The following WWOX variants were observed in gnomAD, a reference collection of about 807,000 sequenced individuals.
WWOX encodes the protein WW domain-containing oxidoreductase.
A neutral mutation model predicts 46.2 loss-of-function variants in WWOX; 69 were observed. The ratio of observed to expected loss-of-function variants is 1.49; its 90% CI spans 1.23 to 1.82. WWOX has a LOEUF of 1.82. Among genes scored for constraint, WWOX ranks in the 40% most tolerant of loss-of-function variants. WWOX has a pLI of 0.00. For synonymous variants in WWOX, 359 were observed against 202.6 expected, an observed-to-expected ratio of 1.77 and a Z score of -6.56; for missense variants, 919 against 542.6, an observed-to-expected ratio of 1.69 and a Z score of -6.89.
Position 78,109,821 on chromosome 16 carries a change from A to G in WWOX, c.216A>G (p.Gln72=), listed in dbSNP as rs754962104. The change falls in exon 3 of 9, where the codon CAA becomes CAG. Residue 72 remains glutamine (Q), a synonymous_variant. Transcript: ENST00000566780. ...GWEQETDENG[Q]VFFVDHINKR... is the part of the protein sequence containing the mutation. Reference sequence around the variant, plus strand: ...AACAAGAAACTGATGAGAACGGACAAGTGTTTTTTGTTGAGTAAGTGTCTG... The same window carrying G: ...AACAAGAAACTGATGAGAACGGACAGGTGTTTTTTGTTGAGTAAGTGTCTG... The G allele has an allele frequency of 6.8e-5, 109 of 1,614,172 alleles. No homozygotes were observed. The East Asian group carries it at 2.3e-3, about 34-fold the overall frequency.
intron 5 of WWOX, among the ~76,000 whole-genome samples, chr16:78,327,404 A>C (rs2080648269): frequency 1.3e-5 from 2 of 152,062 alleles, no homozygotes; most frequent in Non-Finnish European, 2.9e-5. Flanking sequence ...GGGCATCTTC[A>C]CTGGACTCTC....
intron 8 of WWOX, among the ~76,000 whole-genome samples, chr16:78,757,398 C>T (rs1329725818): frequency 6.6e-6 from 1 of 152,148 alleles, no homozygotes; most frequent in Non-Finnish European, 1.5e-5. Context: ...TGCAAAGGTA[C>T]ATAGGACACT....
At chr16:78,631,540 C>CTTTTT (rs35592764) in intron 8 of WWOX, among the ~76,000 whole-genome samples, 2 of 138,944 alleles carry the variant, frequency 1.4e-5, no homozygotes, top group Non-Finnish European at 3.1e-5. Flanking sequence ...TTAAAATATT[C>CTTTTT]TTTTTTTTTT....
intron 8 of WWOX, among the ~76,000 whole-genome samples, chr16:78,684,523 C>G (rs992638462): frequency 2.0e-5 from 3 of 152,166 alleles, no homozygotes; most frequent in African/African-American, 7.2e-5. Context: ...ATTACGGGAC[C>G]TGGATGTGAT....
chr16:78,945,839 A>C (rs1268233760), intron 8 of WWOX, among the ~76,000 whole-genome samples: 2 of 151,954 alleles, frequency 1.3e-5, no homozygotes, highest in Non-Finnish European at 2.9e-5. Context: ...GCATGGAGGG[A>C]ACTTCATCTC....
rs1054975280 is a variant in WWOX at position 79,032,045 on chromosome 16, C to G, written c.1057-179563C>G. Reference sequence around the variant, plus strand: ...CTGGGACATTCTACACAGCTCCTGCCTCCTTCTGTATGTAATATATATATT... The same window carrying G: ...CTGGGACATTCTACACAGCTCCTGCGTCCTTCTGTATGTAATATATATATT... On this transcript the variant is annotated intron_variant, in intron 8 of 8. Coordinates refer to ENST00000566780, the MANE Select transcript of WWOX (RefSeq NM_016373.4). Among the ~76,000 whole-genome samples, 12 of 143,938 alleles carry G rather than the reference C, an allele frequency of 8.3e-5. No individual in the cohort carries two copies. The East Asian group carries it at 1.4e-3, about 17-fold the overall frequency. The allele number at this position is 143,938 out of a possible 152,430, so 94.4% of individuals were successfully genotyped here. A position where few individuals can be genotyped will look rare whatever the true frequency, so the allele number is the denominator to read the frequency against.
At chr16:79,178,216 A>C (rs1477817060) in intron 8 of WWOX, among the ~76,000 whole-genome samples, 1 of 152,246 alleles carries the variant, frequency 6.6e-6, no homozygotes, top group Non-Finnish European at 1.5e-5. Flanking sequence ...TACACAAATG[A>C]ACAAGTGACT....
rs1022448733 is a variant in WWOX at position 78,564,011 on chromosome 16, T to G, written c.1056+131259T>G. ...GCTGTGCTACGAACCCTTTTACTTC[T>G]GGGTGCGAACAAGCCCAGGCTAGCC... On this transcript the variant is annotated intron_variant, in intron 8 of 8. Transcript: ENST00000566780. Among the ~76,000 whole-genome samples, 9 of 152,330 alleles carry G rather than the reference T, an allele frequency of 5.9e-5. 1 individual carries two copies. The highest frequency in any genetic ancestry group is 5.9e-4 in the Admixed American group (9 of 15,304).
intron 8 of WWOX, among the ~76,000 whole-genome samples, chr16:79,209,457 A>T (rs1338130447): frequency 6.6e-6 from 1 of 152,208 alleles, no homozygotes; most frequent in Non-Finnish European, 1.5e-5. Context: ...CAGAACAGTG[A>T]AAGGCCAGTC....
At chr16:78,765,717 T>C (rs1054244057) in intron 8 of WWOX, among the ~76,000 whole-genome samples, 2 of 152,164 alleles carry the variant, frequency 1.3e-5, no homozygotes, top group African/African-American at 2.4e-5. Flanking sequence ...AGGTGAGCTT[T>C]AATGAGTTCA....
intron 5 of WWOX, among the ~76,000 whole-genome samples, chr16:78,293,429 A>G (rs1278505516): frequency 6.6e-6 from 1 of 152,138 alleles, no homozygotes; most frequent in Non-Finnish European, 1.5e-5. Flanking sequence ...ATAACCTAGC[A>G]TCATTTCGCT....
chr16:78,779,081 T>C (rs2050262210), intron 8 of WWOX, among the ~76,000 whole-genome samples: 2 of 145,290 alleles, frequency 1.4e-5, no homozygotes, highest in African/African-American at 5.0e-5. Flanking sequence ...GAGATCACTC[T>C]ATCGCCTAAA....
chr16:78,331,495 G>C (rs1263067445), intron 5 of WWOX, among the ~76,000 whole-genome samples: 2 of 152,168 alleles, frequency 1.3e-5, no homozygotes, highest in African/African-American at 4.8e-5. Flanking sequence ...TCGTAATATA[G>C]CTAGTTTTTG....
At chr16:79,116,431 G>T (rs2049517286) in intron 8 of WWOX, among the ~76,000 whole-genome samples, 1 of 152,154 alleles carries the variant, frequency 6.6e-6, no homozygotes, top group Non-Finnish European at 1.5e-5. Context: ...ATCCTCTGTT[G>T]TCATTTCAAC....
intron 8 of WWOX, among the ~76,000 whole-genome samples, chr16:78,878,930 A>G (rs1339359507): frequency 2.0e-5 from 3 of 148,434 alleles, no homozygotes. Context: ...AGCCTGTCAT[A>G]GTGGTACATG....
chr16:78,944,101 GT>G (rs1318502294), intron 8 of WWOX, among the ~76,000 whole-genome samples: 1 of 152,174 alleles, frequency 6.6e-6, no homozygotes, highest in Non-Finnish European at 1.5e-5. Context: ...TTGTTTGTTT[GT>G]TTGGGGGTTT....
chr16:78,489,785 G>C (rs1442362355), intron 8 of WWOX, among the ~76,000 whole-genome samples: 1 of 152,140 alleles, frequency 6.6e-6, no homozygotes, highest in African/African-American at 2.4e-5. Flanking sequence ...CATGTCATCT[G>C]AAATCTGGGA....
chr16:78,192,491 C>CAAA lies in WWOX; in HGVS notation c.516+28220_516+28222dup, dbSNP rs56109773. 1.9e-3 allele frequency among the ~76,000 whole-genome samples: 163 copies of CAAA among 87,216 alleles called. 1 individual carries two copies. Among genetic ancestry groups the CAAA allele is most frequent in the East Asian group, 0.011 (33 of 2,948 alleles). The allele number at this position is 87,216 out of a possible 152,430, so 57.2% of individuals were successfully genotyped here. ...TAGGTGACAGAGTGAGACTCCGTCT[C>CAAA]AAAAAAAAAAAAAAAAAAAAGAAAG... is the stretch of plus-strand genomic sequence containing the variant. On this transcript the variant is annotated intron_variant, in intron 5 of 8. Coordinates refer to ENST00000566780, the MANE Select transcript of WWOX (RefSeq NM_016373.4).
At chr16:79,087,991 C>G (rs1425347857) in intron 8 of WWOX, among the ~76,000 whole-genome samples, 1 of 152,158 alleles carries the variant, frequency 6.6e-6, no homozygotes, top group Non-Finnish European at 1.5e-5. Context: ...CTTCTCTCTT[C>G]CATTCTAGCT....
Sources: gnomAD v4.1 joint callset for allele counts (sites outside exome capture counted in the v4.1 genomes callset) on GRCh38, gnomAD v4.1.1 for gene constraint, MANE v1.5 for transcripts, NCBI Gene and HGNC (gene_info 2026-07-23, HGNC 2026-07-21) for gene names.